The following ANKRD26 variants were observed in gnomAD, a reference collection of about 807,000 sequenced individuals.
The protein encoded by ANKRD26 is ankyrin repeat domain-containing protein 26.
In ANKRD26, 141 loss-of-function variants were observed where a neutral mutation model predicts 208.7. The observed-to-expected ratio is 0.68, with a 90% CI of 0.59 to 0.78. ANKRD26 has a LOEUF of 0.78. ANKRD26 is among the 30% of genes least tolerant of loss of function. The pLI is 0.00. For missense variants in ANKRD26, 1,889 were observed against 1,938.7 expected (o/e 0.97, Z 0.48); for synonymous variants, 636 against 660.4 (o/e 0.96, Z 0.57).
In ANKRD26 at chr10:27,033,100, A is replaced by G. The variant is rs2053931596; in HGVS notation, c.3807+125T>C. On this transcript the variant is annotated intron_variant, in intron 25 of 33. Coordinates refer to ENST00000376087, the MANE Select transcript of ANKRD26 (RefSeq NM_014915.3). ...TCCATCTCAAAAAAAAAAAAAAGAT[A>G]ATAAAATTTAAATTAATTATAATGA... is the stretch of plus-strand genomic sequence containing the variant. 43 of 620,360 alleles carry G rather than the reference A, an allele frequency of 6.9e-5. 2 individuals carry two copies. In the South Asian group the frequency reaches 1.7e-3, roughly 25 times the overall value. The allele number at this position is 620,360 out of a possible 1,614,324, so 38.4% of individuals were successfully genotyped here.
At chr10:27,080,567 C>T (rs2135600553) in intron 6 of ANKRD26, 1 of 935,552 alleles carries the variant, frequency 1.1e-6, no homozygotes, top group Non-Finnish European at 1.3e-6. Context: ...AGAAAGAATG[C>T]TGGAGAAAGA....
At chr10:27,027,182 G>A (rs369067746) in intron 27 of ANKRD26, among the ~76,000 whole-genome samples, 1 of 152,184 alleles carries the variant, frequency 6.6e-6, no homozygotes, top group East Asian at 1.9e-4. Flanking sequence ...ATGTCCTGCT[G>A]GAGCAGCCAT....
chr10:27,100,370 G>A lies in ANKRD26; in HGVS notation c.-44C>T. 1 of 1,600,702 alleles carries A rather than the reference G, an allele frequency of 6.2e-7. No individual in the cohort carries two copies. On this transcript the variant is annotated 5_prime_UTR_variant, in exon 1 of 34. Transcript: ENST00000376087. ...TCAGAGACACCTCATGTCTCTCTCG[G>A]CTCTTAACGGCCTCCGGAGCCCAAC...
chr10:27,019,129 A>T (rs1320644371), intron 29 of ANKRD26, among the ~76,000 whole-genome samples: 2 of 151,970 alleles, frequency 1.3e-5, no homozygotes, highest in Admixed American at 1.3e-4. Context: ...AAATACAAAA[A>T]ATTAGACAGG....
At chr10:27,038,835 G>T (rs2054131410) in intron 21 of ANKRD26, among the ~76,000 whole-genome samples, 1 of 152,020 alleles carries the variant, frequency 6.6e-6, no homozygotes, top group African/African-American at 2.4e-5. Flanking sequence ...AACACCCTCA[G>T]ATGCTTTCAT....
rs181625604 is a variant in ANKRD26, at chr10:27,095,725, G to A, written c.243-1926C>T. 7.6e-3 allele frequency among the ~76,000 whole-genome samples: 1,151 copies of A among 152,260 alleles called. 27 individuals carry two copies. The highest frequency in any genetic ancestry group is 6.4e-3 in the Non-Finnish European group (434 of 68,012). On this transcript the variant is annotated intron_variant, in intron 1 of 33. Coordinates refer to ENST00000376087, the MANE Select transcript of ANKRD26 (RefSeq NM_014915.3). ...AGCTTCAATTGAGATTGCCCTAATA[G>A]TCTAATTTTAAATCTCTCAACTTGC...
intron 7 of ANKRD26, 106 bp from the exon 8 acceptor site, chr10:27,077,799 A>G: frequency 9.5e-7 from 1 of 1,056,844 alleles, no homozygotes; most frequent in East Asian, 2.6e-5. Flanking sequence ...AACACAAAGA[A>G]CAAAGATTTT....
At chr10:27,057,108 T>C (rs1478427600) in intron 15 of ANKRD26, among the ~76,000 whole-genome samples, 1 of 152,202 alleles carries the variant, frequency 6.6e-6, no homozygotes, top group Non-Finnish European at 1.5e-5. Flanking sequence ...AGAGTCCCAA[T>C]CTGAAAACTC....
At chr10:27,089,320 C>A (rs1315427729) in intron 4 of ANKRD26, among the ~76,000 whole-genome samples, 1 of 152,128 alleles carries the variant, frequency 6.6e-6, no homozygotes, top group East Asian at 1.9e-4. Context: ...CAGATGGCCC[C>A]CAGGGGGACA....
chr10:26,991,170 A>G (rs759655349), downstream of ANKRD26, among the ~76,000 whole-genome samples: 4 of 152,198 alleles, frequency 2.6e-5, no homozygotes, highest in Admixed American at 6.5e-5. Flanking sequence ...AAATCGTCCC[A>G]TCGTTTAGGG....
chr10:27,023,395 ACAC>A, intron 28 of ANKRD26, among the ~76,000 whole-genome samples: 1 of 151,500 alleles, frequency 6.6e-6, no homozygotes. Flanking sequence ...GTTGAAAAAG[ACAC>A]AAAAATACAT....
At chr10:27,034,676 T>A (rs1035845048) in intron 24 of ANKRD26, 120 bp downstream of exon 24, 1 of 640,156 alleles carries the variant, frequency 1.6e-6, no homozygotes, top group East Asian at 2.9e-5. Flanking sequence ...AAGGGATGTT[T>A]CTAAACTGAT....
chr10:27,054,501 C>A (rs139718492), intron 15 of ANKRD26, among the ~76,000 whole-genome samples: 2 of 152,130 alleles, frequency 1.3e-5, no homozygotes, highest in South Asian at 4.2e-4. Context: ...AGGAAAATCA[C>A]TTGAACCCGG....
At chr10:26,977,467 T>C (rs1340908156) in intron 5 of ANKRD26, among the ~76,000 whole-genome samples, 1 of 152,214 alleles carries the variant, frequency 6.6e-6, no homozygotes, top group Non-Finnish European at 1.5e-5. Flanking sequence ...ACTCAGAAGA[T>C]ATAATATTTT....
intron 16 of ANKRD26, chr10:27,051,232 T>C (rs764807812): frequency 7.0e-6 from 9 of 1,289,740 alleles, no homozygotes; most frequent in East Asian, 1.1e-4. Flanking sequence ...TCAGGTTCCA[T>C]GCTTTTATAG....
chr10:27,002,031 CAG>C (rs1048412060), downstream of ANKRD26, among the ~76,000 whole-genome samples: 3 of 152,128 alleles, frequency 2.0e-5, no homozygotes, highest in Non-Finnish European at 1.5e-5. Context: ...CAAAGATGAA[CAG>C]AGTCAGGAGG....
the ANKRD26 span, among the ~76,000 whole-genome samples, chr10:26,962,999 C>T: frequency 6.6e-6 from 1 of 152,178 alleles, no homozygotes; most frequent in Non-Finnish European, 1.5e-5. Context: ...CAACCCTACT[C>T]GGTATACACT....
chr10:27,037,906 T>C lies in ANKRD26; in HGVS notation c.2524A>G (p.Met842Val), dbSNP rs766687353. The change falls in exon 22 of 34, where the codon ATG (methionine) becomes GTG (valine). Residue 842 changes from methionine to valine, a missense_variant. By Grantham distance (21) the Met-to-Val change is conservative (BLOSUM62 1). Coordinates refer to ENST00000376087, the MANE Select transcript of ANKRD26 (RefSeq NM_014915.3). ...QLELSLQTLE[M>V]ELRTVKSNLN... ...TTACTTTTTACAGTCCTCAATTCCATCTCCAGTGTTTGGAGACTCAGTTCA... is the reference window on the plus strand; with the variant it reads ...TTACTTTTTACAGTCCTCAATTCCACCTCCAGTGTTTGGAGACTCAGTTCA... 4 of 1,612,908 alleles carry C rather than the reference T, an allele frequency of 2.5e-6. No individual in the cohort carries two copies. The highest frequency in any genetic ancestry group is 1.7e-5 in the Admixed American group (1 of 59,986).
At chr10:26,972,214 G>C (rs1378056062), downstream of ANKRD26, among the ~76,000 whole-genome samples, 1 of 142,120 alleles carries the variant, frequency 7.0e-6, no homozygotes, top group Non-Finnish European at 1.5e-5. Flanking sequence ...CAGCCTGGGC[G>C]ACAGAGCGAG....
Sources: allele counts gnomAD v4.1 joint callset (sites outside exome capture counted in the v4.1 genomes callset), GRCh38; gene constraint gnomAD v4.1.1; transcripts MANE v1.5; gene names NCBI Gene and HGNC (gene_info 2026-07-23, HGNC 2026-07-21).